Variants in ANKRD22 observed in about 807,000 individuals in gnomAD.
ANKRD22 encodes the protein ankyrin repeat domain 22.
ANKRD22 carries 24 observed loss-of-function variants against 25.7 expected under a neutral mutation model. The observed-to-expected ratio is 0.93, with a 90% CI of 0.68 to 1.31. The LOEUF is 1.31. ANKRD22 is among the 50% of genes most tolerant of loss of function. ANKRD22 has a pLI of 0.00. For missense variants in ANKRD22, 214 were observed against 227.1 expected (o/e 0.94, Z 0.37); for synonymous variants, 84 against 84.3 (o/e 1.00, Z 0.02).
chr10:88,828,540 C>G lies in ANKRD22; in HGVS notation c.321+19G>C, dbSNP rs777222110. ...TCGATCTCCACATTTGCCCTTTGCT[C>G]TACAAGTGTTGTACTCACCATGAGG... On this transcript the variant is annotated intron_variant, in intron 3 of 5. Coordinates refer to ENST00000371930, the MANE Select transcript of ANKRD22 (RefSeq NM_144590.3). 2.6e-6 allele frequency: 4 copies of G among 1,546,690 alleles called. No individual in the cohort carries two copies. The South Asian group carries it at 4.5e-5, about 18-fold the overall frequency.
At chr10:88,846,765 C>T (rs951181826) in intron 1 of ANKRD22, among the ~76,000 whole-genome samples, 1 of 152,116 alleles carries the variant, frequency 6.6e-6, no homozygotes, top group Non-Finnish European at 1.5e-5. Context: ...ATCCTGATTG[C>T]CCACAAGGCC....
rs1450132434 is a variant in ANKRD22, at chr10:88,825,001, T to TCACACACA, written c.399+1036_399+1037insTGTGTGTG. ...TTTTCTTTTGCTCTCTCTCTCTCTC[T>TCACACACA]CTCTCTCTCTCACACACACACACAC... On this transcript the variant is annotated intron_variant, in intron 4 of 5. Coordinates refer to ENST00000371930, the MANE Select transcript of ANKRD22 (RefSeq NM_144590.3). Among the ~76,000 whole-genome samples, 128 of 81,382 alleles carry TCACACACA rather than the reference T, an allele frequency of 1.6e-3. 1 individual carries two copies. In the East Asian group the frequency reaches 0.021, roughly 13 times the overall value. 53.4% of individuals were successfully genotyped at this position (81,382 alleles called of 152,430 possible).
intron 2 of ANKRD22, among the ~76,000 whole-genome samples, chr10:88,830,653 A>T (rs1843894870): frequency 6.6e-6 from 1 of 152,232 alleles, no homozygotes; most frequent in Admixed American, 6.5e-5. Context: ...AGTCTTTTTC[A>T]TGGTTTTTAT....
Position 88,823,266 on chromosome 10 carries a change from C to G in ANKRD22, c.498+14G>C, listed in dbSNP as rs1431714239. 6.2e-7 allele frequency: 1 copy of G among 1,601,528 alleles called. No homozygotes were observed. Among genetic ancestry groups the G allele is most frequent in the East Asian group, 2.2e-5 (1 of 44,816 alleles). ...TGCTAGAGGAACCTCAGACCACGGT[C>G]CACCCTCCCTTACCTTATTCTTTAT... On this transcript the variant is annotated intron_variant, in intron 5 of 5. Transcript: ENST00000371930.
intron 1 of ANKRD22, among the ~76,000 whole-genome samples, chr10:88,847,410 C>T (rs1297317051): frequency 6.6e-6 from 1 of 152,106 alleles, no homozygotes; most frequent in Non-Finnish European, 1.5e-5. Flanking sequence ...AGGCACATGC[C>T]TCCACACCCA....
chr10:88,842,889 T>C (rs1004669736), intron 1 of ANKRD22, among the ~76,000 whole-genome samples: 2 of 152,136 alleles, frequency 1.3e-5, no homozygotes, highest in Non-Finnish European at 2.9e-5. Flanking sequence ...TTACAGGAAA[T>C]TTTATAGGTC....
intron 1 of ANKRD22, among the ~76,000 whole-genome samples, chr10:88,843,344 C>T (rs974711738): frequency 3.3e-5 from 5 of 152,076 alleles, no homozygotes; most frequent in African/African-American, 1.2e-4. Flanking sequence ...TTGATACCTG[C>T]CAAAGGTCAA....
intron 1 of ANKRD22, among the ~76,000 whole-genome samples, chr10:88,851,262 C>G (rs1360351236): frequency 2.6e-5 from 4 of 152,130 alleles, no homozygotes. Flanking sequence ...CTCTTTTTCT[C>G]TGAGTGTTTG....
chr10:88,846,437 A>G (rs1430597154), intron 1 of ANKRD22, among the ~76,000 whole-genome samples: 5 of 152,202 alleles, frequency 3.3e-5, no homozygotes, highest in Non-Finnish European at 5.9e-5. Flanking sequence ...GGAAAAGCAC[A>G]TGGAATAAGT....
At chr10:88,832,481 A>G (rs536483814) in intron 1 of ANKRD22, among the ~76,000 whole-genome samples, 2 of 152,110 alleles carry the variant, frequency 1.3e-5, no homozygotes, top group African/African-American at 4.8e-5. Flanking sequence ...AAGATAAAAT[A>G]TCTTTATCTT....
At chr10:88,842,431 T>A (rs916113420) in intron 1 of ANKRD22, among the ~76,000 whole-genome samples, 30 of 152,082 alleles carry the variant, frequency 2.0e-4, no homozygotes, top group African/African-American at 7.2e-4. Context: ...CCTATGCAAC[T>A]CCATGCACTA....
At chr10:88,841,723 C>A (rs951377830) in intron 1 of ANKRD22, among the ~76,000 whole-genome samples, 2 of 152,088 alleles carry the variant, frequency 1.3e-5, no homozygotes, top group Non-Finnish European at 2.9e-5. Context: ...CTTATAAATC[C>A]CTATATTAAA....
At chr10:88,829,913 A>G (rs1052105668) in intron 2 of ANKRD22, among the ~76,000 whole-genome samples, 1 of 152,174 alleles carries the variant, frequency 6.6e-6, no homozygotes, top group Non-Finnish European at 1.5e-5. Context: ...AGTAGCTGGG[A>G]CTACAAACAT....
At chr10:88,836,702 C>T (rs920330447) in intron 1 of ANKRD22, among the ~76,000 whole-genome samples, 2 of 152,196 alleles carry the variant, frequency 1.3e-5, no homozygotes, top group African/African-American at 4.8e-5. Flanking sequence ...GATCTGTCCA[C>T]TTGTGGCACT....
rs1843812200 is a variant in ANKRD22 at position 88,822,713 on chromosome 10, TACA to T, written c.*225_*227del. On this transcript the variant is annotated 3_prime_UTR_variant, in exon 6 of 6. Transcript: ENST00000371930. ...ATCAGTTTCTGACTGAAGTGGAGACTACAACAACTTTAGTGTTTCCCTTAGAAG... is the reference window on the plus strand; with the variant it reads ...ATCAGTTTCTGACTGAAGTGGAGACTACAACTTTAGTGTTTCCCTTAGAAG... The T allele has an allele frequency of 4.2e-6, 2 of 471,192 alleles. No individual in the cohort carries two copies. The highest frequency in any genetic ancestry group is 2.0e-5 in the African/African-American group (1 of 50,056). The allele number at this position is 471,192 out of a possible 1,614,324, so 29.2% of individuals were successfully genotyped here.
chr10:88,822,987 C>T lies in ANKRD22; in HGVS notation c.530G>A (p.Arg177Lys), dbSNP rs7912706. Residue 177 changes from arginine (R) to lysine (K), a missense_variant, in exon 6 of 6, where the codon AGA (arginine) becomes AAA (lysine). Physicochemically the swap from Arg to Lys is conservative, Grantham distance 26 (BLOSUM62 2). Transcript: ENST00000371930. Reference sequence around the variant, plus strand: ...TAATTCAATCTGGGAAAATTTTAATCTCCGTGCAATATCCAGTGAGCTCTC... The same window carrying T: ...TAATTCAATCTGGGAAAATTTTAATTTCCGTGCAATATCCAGTGAGCTCTC... ...HGESSLDIAR[R>K]LKFSQIELML... 1 of 1,609,556 alleles carries T rather than the reference C, an allele frequency of 6.2e-7. No homozygotes were observed. The highest frequency in any genetic ancestry group is 1.7e-5 in the Admixed American group (1 of 59,836).
Position 88,822,788 on chromosome 10 carries a change from A to G in ANKRD22, c.*153T>C. On this transcript the variant is annotated 3_prime_UTR_variant, in exon 6 of 6. Transcript: ENST00000371930. ...GACTGAGTAAACAATGCTATAAATA[A>G]AAAGCTCTTCCAAAACATTAACCAT... 1 of 701,436 alleles carries G rather than the reference A, an allele frequency of 1.4e-6. No individual in the cohort carries two copies. The highest frequency in any genetic ancestry group is 1.8e-5 in the South Asian group (1 of 56,718). The allele number at this position is 701,436 out of a possible 1,614,324, so 43.5% of individuals were successfully genotyped here. A position where few individuals can be genotyped will look rare whatever the true frequency, so the allele number is the denominator to read the frequency against.
chr10:88,835,101 C>T (rs911383630), intron 1 of ANKRD22, among the ~76,000 whole-genome samples: 1 of 152,076 alleles, frequency 6.6e-6, no homozygotes, highest in Admixed American at 6.6e-5. Context: ...ATGTTACCTG[C>T]CTGGTAACAT....
At position 88,828,322 on chromosome 10, in the gene ANKRD22, T is replaced by G. The variant is rs184990727; in HGVS notation, c.321+237A>C. On this transcript the variant is annotated intron_variant, in intron 3 of 5. Transcript: ENST00000371930. ...AGTCTTAGTTAAGGTTAAATTATTTTTCTAAATCAACATTGCATGGATTAT... is the reference window on the plus strand; with the variant it reads ...AGTCTTAGTTAAGGTTAAATTATTTGTCTAAATCAACATTGCATGGATTAT... Among the ~76,000 whole-genome samples, 8 of 152,348 alleles carry G rather than the reference T, an allele frequency of 5.3e-5. No individual in the cohort carries two copies. In the East Asian group the frequency reaches 1.5e-3, roughly 29 times the overall value.
Sources: gnomAD v4.1 joint callset for allele counts (sites outside exome capture counted in the v4.1 genomes callset) on GRCh38, gnomAD v4.1.1 for gene constraint, MANE v1.5 for transcripts, NCBI Gene and HGNC (gene_info 2026-07-23, HGNC 2026-07-21) for gene names.